Variants in KHDRBS2 observed in about 807,000 individuals in gnomAD.
The protein encoded by KHDRBS2 is KH RNA binding domain containing, signal transduction associated 2.
KHDRBS2 carries 26 observed loss-of-function variants against 44.3 expected under a neutral mutation model. The observed-to-expected ratio is 0.59, with a 90% CI of 0.43 to 0.81. The LOEUF is 0.81. Ranked by LOEUF, KHDRBS2 falls within the 40% of genes least tolerant of loss-of-function variation. The probability of loss-of-function intolerance (pLI) is 0.00; values close to 1 mark genes in which losing one functional copy is unlikely to be tolerated. For missense variants in KHDRBS2, 476 were observed against 433.1 expected (o/e 1.10, Z -0.88); for synonymous variants, 194 against 151.1 (o/e 1.28, Z -2.08).
At position 62,004,531 on chromosome 6, in the gene KHDRBS2, CA is replaced by C. The variant is rs1164513027; in HGVS notation, c.337-26320del. The stretch of plus-strand genomic sequence containing the variant: ...AGGCAATAATTAATAGTCTTCCAAC[CA>C]AAAAAACTCCATGACCAGACGGATT... On this transcript the variant is annotated intron_variant, in intron 3 of 8. Coordinates refer to ENST00000281156, the MANE Select transcript of KHDRBS2 (RefSeq NM_152688.4). Among the ~76,000 whole-genome samples the C allele has an allele frequency of 7.9e-5, 12 of 151,956 alleles. No individual in the cohort carries two copies. In the South Asian group the frequency reaches 1.7e-3, roughly 21 times the overall value.
At chr6:61,751,588 C>G (rs9444708) in intron 6 of KHDRBS2, among the ~76,000 whole-genome samples, 8,400 of 152,236 alleles carry the variant, frequency 0.055, 374 homozygotes, top group African/African-American at 0.11. Context: ...AAAAACATAA[C>G]ACTTAAATGT....
intron 4 of KHDRBS2, among the ~76,000 whole-genome samples, chr6:61,965,237 C>T (rs1270115943): frequency 6.6e-6 from 1 of 152,012 alleles, no homozygotes; most frequent in African/African-American, 2.4e-5. Flanking sequence ...ACATCTGCTC[C>T]CCCTACTTAC....
At chr6:61,604,130 G>T in the KHDRBS2 span, among the ~76,000 whole-genome samples, 1 of 152,154 alleles carries the variant, frequency 6.6e-6, no homozygotes, top group Non-Finnish European at 1.5e-5. Context: ...AAATAAATAT[G>T]CTTTCCATAT....
chr6:61,893,643 G>A (rs543118687), intron 6 of KHDRBS2, among the ~76,000 whole-genome samples: 14 of 152,048 alleles, frequency 9.2e-5, no homozygotes, highest in South Asian at 4.2e-4. Context: ...GCAAACTATC[G>A]CAAAGACAAA....
chr6:61,803,941 T>G (rs1158494944), intron 6 of KHDRBS2, among the ~76,000 whole-genome samples: 1 of 152,084 alleles, frequency 6.6e-6, no homozygotes, highest in Admixed American at 6.6e-5. Context: ...AGATGAGATT[T>G]GAGTGGGTAC....
chr6:61,870,489 C>T (rs1234026465), intron 6 of KHDRBS2, among the ~76,000 whole-genome samples: 1 of 152,166 alleles, frequency 6.6e-6, no homozygotes, highest in East Asian at 1.9e-4. Context: ...AACCTCCCTG[C>T]CTGACAGCTC....
chr6:61,998,051 T>C (rs572930569), intron 3 of KHDRBS2, among the ~76,000 whole-genome samples: 3 of 152,190 alleles, frequency 2.0e-5, no homozygotes, highest in African/African-American at 4.8e-5. Flanking sequence ...ACCTGAATTA[T>C]AGGTATAAAT....
chr6:61,805,561 A>C (rs1249145499), intron 6 of KHDRBS2, among the ~76,000 whole-genome samples: 1 of 152,186 alleles, frequency 6.6e-6, no homozygotes, highest in African/African-American at 2.4e-5. Context: ...GACATGAAGG[A>C]ACACCTAAGA....
intron 1 of KHDRBS2, among the ~76,000 whole-genome samples, chr6:62,221,166 TG>T (rs1424977323): frequency 4.6e-5 from 7 of 150,978 alleles, no homozygotes; most frequent in Non-Finnish European, 8.9e-5. Flanking sequence ...ACAACATGAA[TG>T]AAACTGGAGG....
chr6:61,844,639 A>G (rs898238808), intron 6 of KHDRBS2, among the ~76,000 whole-genome samples: 51 of 152,146 alleles, frequency 3.4e-4, no homozygotes, highest in Admixed American at 3.2e-3. Flanking sequence ...AACTCCAATG[A>G]CCAGAACAGT....
intron 6 of KHDRBS2, among the ~76,000 whole-genome samples, chr6:61,776,553 G>A (rs1256734994): frequency 6.6e-6 from 1 of 152,146 alleles, no homozygotes; most frequent in Non-Finnish European, 1.5e-5. Context: ...ACCATCACTG[G>A]TCATCAGAGA....
intron 4 of KHDRBS2, among the ~76,000 whole-genome samples, chr6:61,922,700 A>G (rs1429743132): frequency 6.6e-6 from 1 of 152,066 alleles, no homozygotes; most frequent in Non-Finnish European, 1.5e-5. Context: ...GGGAATAATT[A>G]TCTCTACGAG....
At chr6:62,114,033 C>G (rs1256981341) in intron 2 of KHDRBS2, among the ~76,000 whole-genome samples, 3 of 151,966 alleles carry the variant, frequency 2.0e-5, no homozygotes, top group Non-Finnish European at 4.4e-5. Flanking sequence ...GAGATAAGCG[C>G]AAAGCAAAGG....
chr6:61,818,002 C>T (rs904508515), intron 6 of KHDRBS2, among the ~76,000 whole-genome samples: 5 of 151,924 alleles, frequency 3.3e-5, no homozygotes, highest in Non-Finnish European at 5.9e-5. Flanking sequence ...ATATTTTTAG[C>T]ACATTGTCCA....
At chr6:61,800,078 T>C (rs183297096) in intron 6 of KHDRBS2, among the ~76,000 whole-genome samples, 1 of 152,222 alleles carries the variant, frequency 6.6e-6, no homozygotes, top group East Asian at 1.9e-4. Flanking sequence ...TTTGTATACA[T>C]GGTAAAATTT....
chr6:62,209,685 C>T (rs1400516902), intron 1 of KHDRBS2, among the ~76,000 whole-genome samples: 3 of 152,136 alleles, frequency 2.0e-5, no homozygotes, highest in African/African-American at 4.8e-5. Flanking sequence ...GGCAGACCCA[C>T]CCTCAATCTG....
Position 62,104,293 on chromosome 6 carries a change from C to CT in KHDRBS2, c.220-56300dup, listed in dbSNP as rs147588804. Among the ~76,000 whole-genome samples the CT allele has an allele frequency of 7.8e-3, 1,165 of 149,330 alleles. 17 individuals carry two copies. The highest frequency in any genetic ancestry group is 0.056 in the South Asian group (265 of 4,710). On this transcript the variant is annotated intron_variant, in intron 2 of 8. Coordinates refer to ENST00000281156, the MANE Select transcript of KHDRBS2 (RefSeq NM_152688.4). ...ACCATCTTTTTATCATTAAATAAGT[C>CT]TTTTTTTTTTAATTATACTTTAAGT...
At chr6:61,544,314 T>G in the KHDRBS2 span, among the ~76,000 whole-genome samples, 1 of 152,102 alleles carries the variant, frequency 6.6e-6, no homozygotes, top group Non-Finnish European at 1.5e-5. Context: ...TCAAATTAAC[T>G]AGTAGCTTCA....
intron 6 of KHDRBS2, among the ~76,000 whole-genome samples, chr6:61,751,545 G>A (rs1277383121): frequency 6.6e-6 from 1 of 152,152 alleles, no homozygotes; most frequent in African/African-American, 2.4e-5. Flanking sequence ...TGTCCATGCT[G>A]CAATTCATCC....
Sources: allele counts gnomAD v4.1 joint callset (sites outside exome capture counted in the v4.1 genomes callset), GRCh38; gene constraint gnomAD v4.1.1; transcripts MANE v1.5; gene names NCBI Gene and HGNC (gene_info 2026-07-23, HGNC 2026-07-21).